Variants in RIMKLB observed in about 807,000 individuals in gnomAD.
The protein encoded by RIMKLB is ribosomal modification protein rimK like family member B, also known as beta-citrylglutamate synthase B.
RIMKLB carries 7 observed loss-of-function variants against 32.0 expected under a neutral mutation model. That is an observed-to-expected ratio of 0.22 (90% confidence interval 0.12 to 0.41). The LOEUF (loss-of-function observed/expected upper bound fraction) is 0.41. Among genes scored for constraint, RIMKLB ranks in the 10% least tolerant of loss-of-function variants. RIMKLB has a pLI of 1.00. For missense variants in RIMKLB, 289 were observed against 498.7 expected, an observed-to-expected ratio of 0.58 and a Z score of 4.00; for synonymous variants, 172 against 185.1, an observed-to-expected ratio of 0.93 and a Z score of 0.57.
At chr12:8,672,541 C>G in the RIMKLB span, among the ~76,000 whole-genome samples, 1 of 152,154 alleles carries the variant, frequency 6.6e-6, no homozygotes. Flanking sequence ...AGTGGAAACC[C>G]CCGATAAACC....
At position 8,698,193 on chromosome 12, in the gene RIMKLB, C is replaced by CCTCCT; in HGVS notation, c.-155_-151dup. ...GCTCCCGGTATCCCGACCCCCTCCC[C>CCTCCT]CTCCTCTCCTTCCCCCACTTCCAGC... is the stretch of plus-strand genomic sequence containing the variant. On this transcript the variant is annotated 5_prime_UTR_variant, in exon 1 of 6. Transcript: ENST00000535829. The CCTCCT allele has an allele frequency of 2.8e-6, 1 of 359,032 alleles. No individual in the cohort carries two copies. Among genetic ancestry groups the CCTCCT allele is most frequent in the South Asian group, 1.8e-5 (1 of 54,480 alleles). 22.2% of individuals were successfully genotyped at this position (359,032 alleles called of 1,614,324 possible). A position where few individuals can be genotyped will look rare whatever the true frequency, so the allele number is the denominator to read the frequency against.
downstream of RIMKLB, chr12:8,777,659 C>G: frequency 7.8e-7 from 1 of 1,289,302 alleles, no homozygotes; most frequent in Non-Finnish European, 1.0e-6. Context: ...TTTCCTTCTT[C>G]CCCCTTCCTG....
chr12:8,750,118 G>A, intron 3 of RIMKLB, 26 bp downstream of exon 3: 1 of 1,385,324 alleles, frequency 7.2e-7, no homozygotes, highest in Non-Finnish European at 1.0e-6. Flanking sequence ...AGCATACATA[G>A]CCTGAATATT....
chr12:8,683,920 G>C (rs931374668), intron 1 of RIMKLB, among the ~76,000 whole-genome samples: 1 of 151,892 alleles, frequency 6.6e-6, no homozygotes, highest in African/African-American at 2.4e-5. Context: ...GCTAATTTTT[G>C]TATTTTTAGT....
chr12:8,714,051 T>A lies in RIMKLB; in HGVS notation c.175+10T>A. 1 of 1,611,600 alleles carries A rather than the reference T, an allele frequency of 6.2e-7. No individual in the cohort carries two copies. Among genetic ancestry groups the A allele is most frequent in the Non-Finnish European group, 8.5e-7 (1 of 1,177,960 alleles). On this transcript the variant is annotated intron_variant, in intron 2 of 5. Coordinates refer to ENST00000535829, the MANE Select transcript of RIMKLB (RefSeq NM_001297776.2). ...GAGCAAGGAAACCTGGGTAAGTCTG[T>A]ATACTAAGTGATCTTTTGGATTTTT...
In RIMKLB at chr12:8,775,392, C is replaced by G. The variant is rs1417282782; in HGVS notation, c.*1608C>G. 1 of 985,258 alleles carries G rather than the reference C, an allele frequency of 1.0e-6. No individual in the cohort carries two copies. Among genetic ancestry groups the G allele is most frequent in the African/African-American group, 1.7e-5 (1 of 57,204 alleles). 61.0% of individuals were successfully genotyped at this position (985,258 alleles called of 1,614,324 possible). On this transcript the variant is annotated 3_prime_UTR_variant, in exon 6 of 6. Coordinates refer to ENST00000535829, the MANE Select transcript of RIMKLB (RefSeq NM_001297776.2). ...CCTTTAAAACATGGGTAAAACTAATCCCATTGATGGGTTTGGATGGTATGT... is the reference window on the plus strand; with the variant it reads ...CCTTTAAAACATGGGTAAAACTAATGCCATTGATGGGTTTGGATGGTATGT...
chr12:8,776,551 T>A lies in RIMKLB; in HGVS notation c.*2767T>A, dbSNP rs878960171. Reference sequence around the variant, plus strand: ...TTTTTGTATATTGTTAAAATTGTAATTCTAAATTGTATTTCAAAAATGATT... The same window carrying A: ...TTTTTGTATATTGTTAAAATTGTAAATCTAAATTGTATTTCAAAAATGATT... On this transcript the variant is annotated 3_prime_UTR_variant, in exon 6 of 6. Coordinates refer to ENST00000535829, the MANE Select transcript of RIMKLB (RefSeq NM_001297776.2). The A allele has an allele frequency of 1.2e-6, 1 of 804,962 alleles. No homozygotes were observed. The highest frequency in any genetic ancestry group is 1.3e-4 in the East Asian group (1 of 7,964). 49.9% of individuals were successfully genotyped at this position (804,962 alleles called of 1,614,324 possible).
upstream of RIMKLB, chr12:8,679,528 TG>T: frequency 6.0e-6 from 1 of 167,762 alleles, no homozygotes; most frequent in Admixed American, 5.9e-5. Flanking sequence ...TTCCAGGAGT[TG>T]GAAAAGTTAA....
chr12:8,764,629 G>A (rs1316144218), intron 5 of RIMKLB, among the ~76,000 whole-genome samples: 1 of 152,100 alleles, frequency 6.6e-6, no homozygotes, highest in African/African-American at 2.4e-5. Flanking sequence ...AAGCATACCC[G>A]GGGCTCTGTG....
intron 2 of RIMKLB, among the ~76,000 whole-genome samples, chr12:8,735,230 ATTTTT>A (rs984395957): frequency 6.7e-6 from 1 of 148,640 alleles, no homozygotes; most frequent in African/African-American, 2.5e-5. Flanking sequence ...GCAGGCTAAA[ATTTTT>A]TTTTTTCTTT....
chr12:8,681,555 C>T (rs139627382), upstream of RIMKLB: 33 of 152,264 alleles, frequency 2.2e-4, no homozygotes, highest in East Asian at 1.2e-3. Flanking sequence ...AAACTGCTCA[C>T]GTAAAGACCA....
intron 3 of RIMKLB, 59 bp from the exon 4 acceptor site, chr12:8,751,898 A>G (rs73036916): frequency 0.025 from 27,910 of 1,131,278 alleles, 423 homozygotes; most frequent in Non-Finnish European, 0.03. Flanking sequence ...CGTTGATAAA[A>G]TTGATCACAA....
chr12:8,696,747 CAAA>C (rs932293704), upstream of RIMKLB, among the ~76,000 whole-genome samples: 1 of 152,046 alleles, frequency 6.6e-6, no homozygotes, highest in South Asian at 2.1e-4. Context: ...GGAAATTAGT[CAAA>C]AAATTTTTTA....
intron 5 of RIMKLB, among the ~76,000 whole-genome samples, chr12:8,761,335 C>G (rs1267910930): frequency 6.7e-6 from 1 of 149,910 alleles, no homozygotes; most frequent in Non-Finnish European, 1.5e-5. Flanking sequence ...AAAAATAAAC[C>G]TTCTTTGGAT....
At chr12:8,778,001 C>A (rs1285476674), downstream of RIMKLB, among the ~76,000 whole-genome samples, 1 of 152,108 alleles carries the variant, frequency 6.6e-6, no homozygotes, top group African/African-American at 2.4e-5. Flanking sequence ...ATGATATACT[C>A]AAGACTTGGG....
chr12:8,724,689 G>C (rs932799663), intron 2 of RIMKLB, among the ~76,000 whole-genome samples: 32 of 152,210 alleles, frequency 2.1e-4, no homozygotes, highest in African/African-American at 7.5e-4. Context: ...AGCTGGCCAG[G>C]TGTTGGGATA....
At chr12:8,728,050 C>A (rs1380420767) in intron 2 of RIMKLB, among the ~76,000 whole-genome samples, 2 of 152,124 alleles carry the variant, frequency 1.3e-5, no homozygotes, top group African/African-American at 2.4e-5. Flanking sequence ...GGAACTTGAA[C>A]TTGTTGTATG....
chr12:8,735,582 G>C (rs1375405570), intron 2 of RIMKLB, among the ~76,000 whole-genome samples: 1 of 151,982 alleles, frequency 6.6e-6, no homozygotes, highest in Non-Finnish European at 1.5e-5. Flanking sequence ...TAAAACAGAG[G>C]GGAAGTATTG....
chr12:8,721,791 TGGAGTGCAG>T (rs1257661715), intron 2 of RIMKLB, among the ~76,000 whole-genome samples: 13 of 152,310 alleles, frequency 8.5e-5, no homozygotes, highest in African/African-American at 3.1e-4. Context: ...GCACCCAGGC[TGGAGTGCAG>T]TGGCACGATC....
Sources: gnomAD v4.1 joint callset for allele counts (sites outside exome capture counted in the v4.1 genomes callset) on GRCh38, gnomAD v4.1.1 for gene constraint, MANE v1.5 for transcripts, NCBI Gene and HGNC (gene_info 2026-07-23, HGNC 2026-07-21) for gene names.